The following CAMTA1 variants were observed in gnomAD, a reference collection of about 807,000 sequenced individuals.
CAMTA1 encodes the protein calmodulin binding transcription activator 1, also known as calmodulin-binding transcription activator 1.
A neutral mutation model predicts 170.9 loss-of-function variants in CAMTA1; 27 were observed. The observed-to-expected ratio is 0.16, with a 90% CI of 0.12 to 0.22. The LOEUF (loss-of-function observed/expected upper bound fraction) is 0.22, where lower values mean the gene tolerates loss of function less well. CAMTA1 is among the 10% of genes least tolerant of loss of function. The pLI, the probability that CAMTA1 is intolerant of heterozygous loss-of-function variation, is 1.00. For synonymous variants in CAMTA1, 833 were observed against 891.5 expected (o/e 0.93, Z 1.17); for missense variants, 1,619 against 2,217.2 (o/e 0.73, Z 5.42).
intron 3 of CAMTA1, among the ~76,000 whole-genome samples, chr1:6,865,145 C>T (rs1205205365): frequency 2.6e-5 from 4 of 152,166 alleles, no homozygotes; most frequent in Non-Finnish European, 5.9e-5. Flanking sequence ...AAACACTCTT[C>T]ATTTTTAGCA....
chr1:7,011,262 T>C (rs1278161916), intron 3 of CAMTA1, among the ~76,000 whole-genome samples: 2 of 152,180 alleles, frequency 1.3e-5, no homozygotes, highest in Non-Finnish European at 2.9e-5. Context: ...TGGAGGGCAA[T>C]GCTGTGATCT....
chr1:7,375,775 A>G (rs986844200), intron 5 of CAMTA1, among the ~76,000 whole-genome samples: 5 of 152,238 alleles, frequency 3.3e-5, no homozygotes, highest in Admixed American at 3.3e-4. Flanking sequence ...TGAGAATTGG[A>G]TATTTCCTAC....
At chr1:6,919,564 T>A (rs1681541509) in intron 3 of CAMTA1, among the ~76,000 whole-genome samples, 1 of 149,830 alleles carries the variant, frequency 6.7e-6, no homozygotes, top group African/African-American at 2.4e-5. Flanking sequence ...AGCTGGGTGT[T>A]CCCAAACCTT....
chr1:6,869,734 C>G (rs1667842306), intron 3 of CAMTA1, among the ~76,000 whole-genome samples: 1 of 152,112 alleles, frequency 6.6e-6, no homozygotes, highest in African/African-American at 2.4e-5. Flanking sequence ...GCCATTTTGT[C>G]AGAACCACTA....
At chr1:7,452,085 C>T (rs2092838740) in intron 5 of CAMTA1, among the ~76,000 whole-genome samples, 1 of 152,232 alleles carries the variant, frequency 6.6e-6, no homozygotes, top group South Asian at 2.1e-4. Flanking sequence ...CCCCTCTAAA[C>T]TGGAGGCCTC....
chr1:7,661,922 G>T, intron 8 of CAMTA1, 56 bp downstream of exon 8: 1 of 1,545,700 alleles, frequency 6.5e-7, no homozygotes, highest in Non-Finnish European at 8.7e-7. Flanking sequence ...GGCCCTACCA[G>T]GCAGCCGTCA....
intron 3 of CAMTA1, among the ~76,000 whole-genome samples, chr1:6,946,997 A>AGG (rs1485044530): frequency 6.6e-6 from 1 of 151,988 alleles, no homozygotes; most frequent in African/African-American, 2.4e-5. Flanking sequence ...ATACAGTGTG[A>AGG]GGGAGGGATC....
At position 7,224,367 on chromosome 1, in the gene CAMTA1, C is replaced by T. The variant is rs1303932802; in HGVS notation, c.303-25124C>T. Among the ~76,000 whole-genome samples, 2 of 152,160 alleles carry T rather than the reference C, an allele frequency of 1.3e-5. No homozygotes were observed. The highest frequency in any genetic ancestry group is 2.9e-5 in the Non-Finnish European group (2 of 68,036). ...CTCTGCAGGCTCTCGTCCCAGTTGGCAAGGGCGCCACAGCTGGATGGCTCA... is the reference window on the plus strand; with the variant it reads ...CTCTGCAGGCTCTCGTCCCAGTTGGTAAGGGCGCCACAGCTGGATGGCTCA... On this transcript the variant is annotated intron_variant, in intron 4 of 22. Transcript: ENST00000303635. The surrounding 1 kb of genome is among the most constrained non-coding windows in gnomAD (Gnocchi z 5.2).
intron 6 of CAMTA1, among the ~76,000 whole-genome samples, chr1:7,477,549 A>G (rs2093440781): frequency 1.3e-5 from 2 of 152,216 alleles, no homozygotes; most frequent in African/African-American, 4.8e-5. Context: ...GCAGTTTACG[A>G]TGCCAAGGCC....
chr1:7,498,356 T>A (rs1271456023), intron 6 of CAMTA1, among the ~76,000 whole-genome samples: 1 of 134,780 alleles, frequency 7.4e-6, no homozygotes, highest in Admixed American at 7.2e-5. Context: ...GTGTGTAGAG[T>A]GAGTGTGGAT....
In CAMTA1 at chr1:7,463,854, A is replaced by AG. The variant is rs1166424816; in HGVS notation, c.439-3971dup. On this transcript the variant is annotated intron_variant, in intron 5 of 22. Transcript: ENST00000303635. The surrounding 1 kb of genome is among the most constrained non-coding windows in gnomAD (Gnocchi z 4.7). The stretch of plus-strand genomic sequence containing the variant: ...TGGTGTGGGACCCCCACTGCGTTTG[A>AG]GGGGGCTCTGCGGCCATGCTCCCTT... Among the ~76,000 whole-genome samples the AG allele has an allele frequency of 6.6e-6, 1 of 152,168 alleles. No homozygotes were observed. The highest frequency in any genetic ancestry group is 1.5e-5 in the Non-Finnish European group (1 of 68,020).
At chr1:6,911,993 C>T (rs1172305073) in intron 3 of CAMTA1, among the ~76,000 whole-genome samples, 2 of 152,206 alleles carry the variant, frequency 1.3e-5, no homozygotes, top group Non-Finnish European at 2.9e-5. Context: ...TTTCTCTTAT[C>T]TTTCCCTCCC....
At chr1:7,109,708 C>T (rs949055057) in intron 4 of CAMTA1, among the ~76,000 whole-genome samples, 10 of 152,206 alleles carry the variant, frequency 6.6e-5, no homozygotes, top group African/African-American at 2.2e-4. Context: ...ATCAAGATGT[C>T]ACAGTAAAAA....
chr1:7,604,110 T>G (rs927915953), intron 6 of CAMTA1, among the ~76,000 whole-genome samples: 1 of 152,248 alleles, frequency 6.6e-6, no homozygotes. Context: ...CTGGCTGCCC[T>G]TAACATTTTT....
At position 7,641,759 on chromosome 1, in the gene CAMTA1, A is replaced by G. The variant is rs1375164818; in HGVS notation, c.664+1206A>G. On this transcript the variant is annotated intron_variant, in intron 7 of 22. Transcript: ENST00000303635. The surrounding 1 kb of genome is among the most constrained non-coding windows in gnomAD (Gnocchi z 4.5). ...CCAAGTACCCCGTGGGGAGGTTTGG[A>G]CCAGGCTTGCCTCAGTGCTTCTGCC... Among the ~76,000 whole-genome samples the G allele has an allele frequency of 1.3e-5, 2 of 152,170 alleles. No homozygotes were observed. The highest frequency in any genetic ancestry group is 3.4e-3 in the Middle Eastern group (1 of 294).
intron 5 of CAMTA1, among the ~76,000 whole-genome samples, chr1:7,305,224 C>T (rs1013942002): frequency 6.6e-6 from 1 of 151,938 alleles, no homozygotes; most frequent in Non-Finnish European, 1.5e-5. Flanking sequence ...GTCTGTTTAT[C>T]CACATTTGAT....
At chr1:7,221,244 TAGAC>T (rs1660709572) in intron 4 of CAMTA1, among the ~76,000 whole-genome samples, 1 of 151,852 alleles carries the variant, frequency 6.6e-6, no homozygotes, top group Admixed American at 6.6e-5. Context: ...TTTTAATCTT[TAGAC>T]AGAACTCTCA....
chr1:7,016,101 A>G (rs1427216832), intron 3 of CAMTA1, among the ~76,000 whole-genome samples: 1 of 151,588 alleles, frequency 6.6e-6, no homozygotes, highest in Non-Finnish European at 1.5e-5. Context: ...ATGCAGCCAC[A>G]CCCTGCCCCA....
chr1:7,355,076 G>A (rs1230995024), intron 5 of CAMTA1, among the ~76,000 whole-genome samples: 1 of 151,932 alleles, frequency 6.6e-6, no homozygotes, highest in Non-Finnish European at 1.5e-5. Context: ...CATGGTGGTG[G>A]GTGCCTGTAA....
Sources: allele counts gnomAD v4.1 joint callset (sites outside exome capture counted in the v4.1 genomes callset), GRCh38; gene constraint gnomAD v4.1.1; non-coding constraint Gnocchi (gnomAD v3.1); transcripts MANE v1.5; gene names NCBI Gene and HGNC (gene_info 2026-07-23, HGNC 2026-07-21).